Variants in PYROXD2 observed in about 807,000 individuals in gnomAD.
PYROXD2 encodes the protein pyridine nucleotide-disulphide oxidoreductase domain 2, also known as pyridine nucleotide-disulfide oxidoreductase domain-containing protein 2.
A neutral mutation model predicts 71.1 loss-of-function variants in PYROXD2; 69 were observed. The observed-to-expected ratio is 0.97, with a 90% CI of 0.80 to 1.19. The LOEUF is 1.19. Ranked by LOEUF, PYROXD2 falls within the 50% of genes most tolerant of loss-of-function variation. PYROXD2 has a pLI of 0.00. For synonymous variants in PYROXD2, 287 were observed against 302.7 expected (o/e 0.95, Z 0.54); for missense variants, 745 against 748.9 (o/e 0.99, Z 0.06).
At chr10:98,391,529 C>T (rs1842944035) in intron 10 of PYROXD2, among the ~76,000 whole-genome samples, 2 of 152,140 alleles carry the variant, frequency 1.3e-5, no homozygotes, top group South Asian at 2.1e-4. Context: ...TGTGCGTATA[C>T]ATGTTATCAT....
chr10:98,385,602 G>A (rs1842725444), intron 14 of PYROXD2, among the ~76,000 whole-genome samples: 1 of 152,206 alleles, frequency 6.6e-6, no homozygotes. Flanking sequence ...GACTCAGGGG[G>A]CAGGTCTGGA....
intron 15 of PYROXD2, 80 bp from the exon 16 acceptor site, chr10:98,383,948 C>T (rs756196880): frequency 1.3e-5 from 17 of 1,291,362 alleles, no homozygotes; most frequent in Non-Finnish European, 1.9e-5. Context: ...TTACAGAGAT[C>T]CAGCAACAAA....
Position 98,415,083 on chromosome 10 carries a change from GGGAA to G in PYROXD2, c.49_52del (p.Phe17ArgfsTer14), listed in dbSNP as rs1843962214. On this transcript the variant is annotated frameshift_variant, in exon 1 of 16. Transcript: ENST00000370575. LOFTEE classifies it high-confidence loss of function. ...TTCCGTGTTATCTCGTCTCCACGCCGGGAAGGGAGAGGCGGCCACAGCCTTGCAG... is the reference window on the plus strand; with the variant it reads ...TTCCGTGTTATCTCGTCTCCACGCCGGGGAGAGGCGGCCACAGCCTTGCAG... 1.5e-5 allele frequency: 24 copies of G among 1,614,024 alleles called. No individual in the cohort carries two copies. The highest frequency in any genetic ancestry group is 2.0e-5 in the Non-Finnish European group (24 of 1,179,964).
chr10:98,388,539 A>ATTTTTTTTTTTC, intron 12 of PYROXD2, 31 bp from the exon 13 acceptor site: 1 of 1,542,038 alleles, frequency 6.5e-7, no homozygotes. Flanking sequence ...CGGCAGGTCT[A>ATTTTTTTTTTTC]AAGAGCAGCA....
intron 15 of PYROXD2, 141 bp from the exon 16 acceptor site, chr10:98,384,009 C>T: frequency 1.4e-6 from 1 of 712,886 alleles, no homozygotes. Flanking sequence ...CTGGAATCAC[C>T]TAAGACAGCC....
chr10:98,383,863 C>A lies in PYROXD2; in HGVS notation c.1681G>T (p.Gly561Cys), dbSNP rs776791456. 6 of 1,613,888 alleles carry A rather than the reference C, an allele frequency of 3.7e-6. No homozygotes were observed. The African/African-American group carries it at 8.0e-5, about 22-fold the overall frequency. Residue 561 changes from glycine to cysteine, a missense_variant, in exon 16 of 16, where the codon GGT (glycine) becomes TGT (cysteine). By Grantham distance (159) the Gly-to-Cys change is radical (BLOSUM62 -3). Coordinates refer to ENST00000370575, the MANE Select transcript of PYROXD2 (RefSeq NM_032709.3). ...LCGSGAHPGG[G>C]VMGAAGRNAA... ...TTTCGCCCAGCAGCTCCCATCACAC[C>A]TCCTCCTGGAAGGGAATCTCCTATG...
chr10:98,411,102 A>ATGC, intron 1 of PYROXD2, 144 bp from the exon 2 acceptor site: 1 of 1,130,166 alleles, frequency 8.8e-7, no homozygotes, highest in Non-Finnish European at 1.3e-6. Flanking sequence ...CCGCACTCAG[A>ATGC]TGTTGGAACA....
At chr10:98,389,763 C>T (rs751478806) in intron 12 of PYROXD2, among the ~76,000 whole-genome samples, 5 of 152,204 alleles carry the variant, frequency 3.3e-5, no homozygotes, top group African/African-American at 4.8e-5. Context: ...CTCCACAGTG[C>T]TCATCATCAG....
intron 13 of PYROXD2, chr10:98,388,118 A>G (rs921643317): frequency 4.6e-5 from 25 of 543,070 alleles, no homozygotes; most frequent in Non-Finnish European, 8.3e-5. Context: ...AGTCTCCTCC[A>G]TCCCTTGCTA....
At chr10:98,406,508 A>T (rs1488416787) in intron 4 of PYROXD2, among the ~76,000 whole-genome samples, 1 of 152,076 alleles carries the variant, frequency 6.6e-6, no homozygotes, top group Non-Finnish European at 1.5e-5. Context: ...GGCTTGAAGA[A>T]CTCTCTACAT....
chr10:98,397,256 A>C (rs1843219598), intron 6 of PYROXD2, 89 bp downstream of exon 6: 1 of 1,453,964 alleles, frequency 6.9e-7, no homozygotes. Flanking sequence ...GCTGCCATGG[A>C]GGTTCAGGCT....
chr10:98,394,088 T>C lies in PYROXD2; in HGVS notation c.786-1005A>G, dbSNP rs116823955. Among the ~76,000 whole-genome samples the C allele has an allele frequency of 3.8e-3, 579 of 152,274 alleles. 7 individuals carry two copies. Among genetic ancestry groups the C allele is most frequent in the African/African-American group, 0.013 (526 of 41,546 alleles). ...CCGGCTGCTCCTCCTAGCATCACACTCACGCCACTTCATCATCATCACTCG... is the reference window on the plus strand; with the variant it reads ...CCGGCTGCTCCTCCTAGCATCACACCCACGCCACTTCATCATCATCACTCG... On this transcript the variant is annotated intron_variant, in intron 8 of 15. Coordinates refer to ENST00000370575, the MANE Select transcript of PYROXD2 (RefSeq NM_032709.3).
In PYROXD2 at chr10:98,391,009, C is replaced by T; in HGVS notation, c.1135+1G>A. 9 of 1,609,416 alleles carry T rather than the reference C, an allele frequency of 5.6e-6. No homozygotes were observed. The highest frequency in any genetic ancestry group is 6.0e-6 in the Non-Finnish European group (7 of 1,175,876). On this transcript the variant is annotated splice_donor_variant, in intron 11 of 15. Coordinates refer to ENST00000370575, the MANE Select transcript of PYROXD2 (RefSeq NM_032709.3). LOFTEE classifies it high-confidence loss of function. Reference sequence around the variant, plus strand: ...GTGCTGCAATGTGGTGTGCCTCTTACCATTGATCTTGGTGACAGGCGACCG... The same window carrying T: ...GTGCTGCAATGTGGTGTGCCTCTTATCATTGATCTTGGTGACAGGCGACCG...
In PYROXD2 at chr10:98,395,191, C is replaced by G; in HGVS notation, c.785+5G>C. On this transcript the variant is annotated splice_donor_5th_base_variant and intron_variant, in intron 8 of 15. Coordinates refer to ENST00000370575, the MANE Select transcript of PYROXD2 (RefSeq NM_032709.3). ...CCTGTGTCCCACCTCACCCCCCTCA[C>G]TCACCCACTCCCCGGAGTGTGGGGA... 6.2e-7 allele frequency: 1 copy of G among 1,613,134 alleles called. No homozygotes were observed. Among genetic ancestry groups the G allele is most frequent in the Non-Finnish European group, 8.5e-7 (1 of 1,179,142 alleles).
In PYROXD2 at chr10:98,390,614, C is replaced by A; in HGVS notation, c.1276G>T (p.Gly426Cys). ...GGCCCCTACCTGTGGGAAGGCAGGC[C>A]ATCCATGGCATCTTCAAAGGCCTGA... ...LHQAFEDAMD[G>C]LPSHRPVIEL... Residue 426 changes from glycine (G) to cysteine (C), a missense_variant, in exon 12 of 16, where the codon GGC (glycine) becomes TGC (cysteine). By Grantham distance (159) the Gly-to-Cys change is radical (BLOSUM62 -3). Coordinates refer to ENST00000370575, the MANE Select transcript of PYROXD2 (RefSeq NM_032709.3). The A allele has an allele frequency of 6.3e-7, 1 of 1,596,088 alleles. No homozygotes were observed. The highest frequency in any genetic ancestry group is 1.1e-5 in the South Asian group (1 of 88,138).
At chr10:98,412,555 C>A (rs1452023756) in intron 1 of PYROXD2, among the ~76,000 whole-genome samples, 3 of 64,286 alleles carry the variant, frequency 4.7e-5, no homozygotes, top group East Asian at 6.2e-4. Flanking sequence ...TTTTAACAAG[C>A]CCCCTCAGTC....
At chr10:98,410,872 C>T (rs1843761054) in intron 2 of PYROXD2, 67 bp downstream of exon 2, 3 of 1,552,414 alleles carry the variant, frequency 1.9e-6, no homozygotes, top group Non-Finnish European at 2.6e-6. Context: ...CTTCACACTC[C>T]TTCCCAGGCT....
At chr10:98,404,987 G>A (rs1843546168) in intron 4 of PYROXD2, among the ~76,000 whole-genome samples, 1 of 152,212 alleles carries the variant, frequency 6.6e-6, no homozygotes, top group Non-Finnish European at 1.5e-5. Flanking sequence ...AGACCCAGAA[G>A]GTCAGTGAGG....
At chr10:98,403,115 T>C (rs925824732) in intron 4 of PYROXD2, among the ~76,000 whole-genome samples, 1 of 152,190 alleles carries the variant, frequency 6.6e-6, no homozygotes, top group Non-Finnish European at 1.5e-5. Context: ...GTGGAGGAGA[T>C]TTCCGATGCT....
Sources: allele counts gnomAD v4.1 joint callset (sites outside exome capture counted in the v4.1 genomes callset), GRCh38; gene constraint gnomAD v4.1.1; transcripts MANE v1.5; gene names NCBI Gene and HGNC (gene_info 2026-07-23, HGNC 2026-07-21).